The following CNOT7 variants were observed in gnomAD, a reference collection of about 807,000 sequenced individuals.
CNOT7 encodes BTG1-binding factor 1.
In CNOT7, 4 loss-of-function variants were observed where a neutral mutation model predicts 37.1. That is an observed-to-expected ratio of 0.11 (90% CI 0.05 to 0.25). CNOT7 has a LOEUF of 0.25. Ranked by LOEUF, CNOT7 falls within the 10% of genes least tolerant of loss-of-function variation. CNOT7 has a pLI of 1.00. For missense variants in CNOT7, 170 were observed against 336.2 expected, an observed-to-expected ratio of 0.51 and a Z score of 3.87; for synonymous variants, 128 against 115.6, an observed-to-expected ratio of 1.11 and a Z score of -0.69.
intron 2 of CNOT7, among the ~76,000 whole-genome samples, chr8:17,244,165 T>C (rs887652303): frequency 4.6e-5 from 7 of 152,122 alleles, no homozygotes; most frequent in African/African-American, 1.7e-4. Context: ...AATAATCCAG[T>C]GGATGTAGAA....
rs1808129076 is a variant in CNOT7 at position 17,226,026 on chromosome 8, A to C, written c.*4694T>G. 1.9e-5 allele frequency: 1 copy of C among 52,244 alleles called. No individual in the cohort carries two copies. The highest frequency in any genetic ancestry group is 4.5e-5 in the African/African-American group (1 of 22,042). 3.2% of individuals were successfully genotyped at this position (52,244 alleles called of 1,614,324 possible). A position where few individuals can be genotyped will look rare whatever the true frequency, so the allele number is the denominator to read the frequency against. On this transcript the variant is annotated 3_prime_UTR_variant, in exon 7 of 7. Transcript: ENST00000361272. ...GTTTCTTCTAGTAGAGAGGTGGACA[A>C]GCCTTTTTTTTTTTTTTTTTTTTTT...
At position 17,242,871 on chromosome 8, in the gene CNOT7, T is replaced by C. The variant is rs1810378897; in HGVS notation, c.311+121A>G. 7.0e-6 allele frequency: 4 copies of C among 574,488 alleles called. No individual in the cohort carries two copies. The East Asian group carries it at 1.4e-4, about 19-fold the overall frequency. The allele number at this position is 574,488 out of a possible 1,614,324, so 35.6% of individuals were successfully genotyped here. ...CACGCTTTTGAAATGTTACGTTTTA[T>C]ATATTTCCAGGATAACTACACCAAA... On this transcript the variant is annotated intron_variant, in intron 3 of 6. Coordinates refer to ENST00000361272, the MANE Select transcript of CNOT7 (RefSeq NM_013354.7).
chr8:17,230,800 A>G lies in CNOT7; in HGVS notation c.778T>C (p.Tyr260His), dbSNP rs1393440071. ...IDDAKYCGHLYGLGSGSSYVQ... is the reference protein window; with the variant it reads ...IDDAKYCGHLHGLGSGSSYVQ... ...TAGGATGAACCAGAACCAAGGCCAT[A>G]CAAATGACCACAATATTTGGCATCA... is the stretch of plus-strand genomic sequence containing the variant. The change falls in exon 7 of 7, where the codon TAT becomes CAT. Residue 260 changes from tyrosine to histidine, a missense_variant. By Grantham distance (83) the Tyr-to-His change is moderately conservative. Coordinates refer to ENST00000361272, the MANE Select transcript of CNOT7 (RefSeq NM_013354.7). 4 of 1,608,654 alleles carry G rather than the reference A, an allele frequency of 2.5e-6. No individual in the cohort carries two copies. The highest frequency in any genetic ancestry group is 1.3e-5 in the African/African-American group (1 of 74,806).
chr8:17,234,339 T>G (rs1276003683), intron 5 of CNOT7, among the ~76,000 whole-genome samples: 1 of 152,206 alleles, frequency 6.6e-6, no homozygotes, highest in African/African-American at 2.4e-5. Flanking sequence ...CCACCTTAGA[T>G]TCCACCTTGT....
At position 17,232,415 on chromosome 8, in the gene CNOT7, A is replaced by C; in HGVS notation, c.729+12T>G. The C allele has an allele frequency of 6.2e-7, 1 of 1,613,698 alleles. No individual in the cohort carries two copies. The highest frequency in any genetic ancestry group is 8.5e-7 in the Non-Finnish European group (1 of 1,179,874). ...ACAACCAACTGAGAAAAAGGCAGTGATGTCTTCATACTTCTCTCATTTTGA... is the reference window on the plus strand; with the variant it reads ...ACAACCAACTGAGAAAAAGGCAGTGCTGTCTTCATACTTCTCTCATTTTGA... On this transcript the variant is annotated intron_variant, in intron 6 of 6. Transcript: ENST00000361272.
At position 17,230,750 on chromosome 8, in the gene CNOT7, T is replaced by C; in HGVS notation, c.828A>G (p.Ala276=). 2.5e-6 allele frequency: 4 copies of C among 1,606,384 alleles called. No homozygotes were observed. The South Asian group carries it at 4.5e-5, about 18-fold the overall frequency. ...ACTGCTTGTTGGCTTCCTCTTCATA[T>C]GCATTCCCTGTGCCATTCTGTACAT... ...SSYVQNGTGN[A]YEEEANKQS The change falls in exon 7 of 7, where the codon GCA becomes GCG. Residue 276 remains alanine, a synonymous_variant. Transcript: ENST00000361272.
At chr8:17,231,619 C>A (rs966162731) in intron 6 of CNOT7, 13 of 985,372 alleles carry the variant, frequency 1.3e-5, no homozygotes, top group Non-Finnish European at 1.4e-5. Context: ...CTCAAATCCA[C>A]AGCGAATTTT....
Position 17,245,081 on chromosome 8 carries a change from C to G in CNOT7, c.72G>C (p.Met24Ile), listed in dbSNP as rs200983574. The G allele has an allele frequency of 6.2e-7, 1 of 1,613,718 alleles. No individual in the cohort carries two copies. The highest frequency in any genetic ancestry group is 1.3e-5 in the African/African-American group (1 of 75,014). The stretch of plus-strand genomic sequence containing the variant: ...TTCGGATAACTTGACGAATTTTCTT[C>G]ATCTCTTCATCCAAGTTGCAAGCCC... The part of the protein sequence containing the change: ...EVWACNLDEE[M>I]KKIRQVIRKY... Residue 24 changes from methionine (M) to isoleucine (I), a missense_variant, in exon 2 of 7, where the codon ATG (methionine) becomes ATC (isoleucine). By Grantham distance (10) the Met-to-Ile change is conservative. Transcript: ENST00000361272.
intron 4 of CNOT7, among the ~76,000 whole-genome samples, chr8:17,235,082 A>G (rs1048553655): frequency 6.6e-6 from 1 of 152,020 alleles, no homozygotes; most frequent in Non-Finnish European, 1.5e-5. Flanking sequence ...TTATTCAGAG[A>G]TATCAACACA....
chr8:17,243,836 G>T (rs986255827), intron 2 of CNOT7, among the ~76,000 whole-genome samples: 1 of 152,072 alleles, frequency 6.6e-6, no homozygotes. Context: ...CTAATCATGG[G>T]TAAGTACACC....
chr8:17,237,733 C>CA (rs1809572521), intron 3 of CNOT7: 1 of 198,426 alleles, frequency 5.0e-6, no homozygotes, highest in African/African-American at 2.3e-5. Flanking sequence ...CAGAGACTCT[C>CA]AGTCTCAGCA....
intron 2 of CNOT7, chr8:17,244,426 T>C (rs1282523278): frequency 6.6e-6 from 1 of 152,212 alleles, no homozygotes; most frequent in Non-Finnish European, 1.5e-5. Flanking sequence ...TACTACCAGC[T>C]AGGCTTTGGT....
chr8:17,236,215 C>T (rs990933816), intron 4 of CNOT7, among the ~76,000 whole-genome samples: 9 of 152,184 alleles, frequency 5.9e-5, no homozygotes, highest in Non-Finnish European at 1.3e-4. Context: ...TCACTATAAA[C>T]ATCCCACAGA....
At chr8:17,239,567 C>T (rs556548067) in intron 3 of CNOT7, among the ~76,000 whole-genome samples, 19 of 152,312 alleles carry the variant, frequency 1.2e-4, no homozygotes, top group African/African-American at 4.1e-4. Context: ...TCTCGGCTCA[C>T]TGCAAGCTCC....
intron 4 of CNOT7, 146 bp from the exon 5 acceptor site, chr8:17,235,006 A>T: frequency 1.6e-6 from 1 of 641,278 alleles, no homozygotes; most frequent in Non-Finnish European, 2.6e-6. Flanking sequence ...GAACAGAGAA[A>T]ACAAACATAT....
At chr8:17,235,575 C>G (rs1219843259) in intron 4 of CNOT7, among the ~76,000 whole-genome samples, 1 of 152,108 alleles carries the variant, frequency 6.6e-6, no homozygotes, top group African/African-American at 2.4e-5. Context: ...ACTCTTCTCC[C>G]TTTGTCCGGC....
Position 17,227,559 on chromosome 8 carries a change from C to T in CNOT7, c.*3161G>A, listed in dbSNP as rs768655066. 1 of 151,874 alleles carries T rather than the reference C, an allele frequency of 6.6e-6. No homozygotes were observed. Among genetic ancestry groups the T allele is most frequent in the Non-Finnish European group, 1.5e-5 (1 of 67,822 alleles). 9.4% of individuals were successfully genotyped at this position (151,874 alleles called of 1,614,324 possible). On this transcript the variant is annotated 3_prime_UTR_variant, in exon 7 of 7. Transcript: ENST00000361272. ...TTAGTAAATGGTTTTCTTTGCTTGGCTAACAAATAGGCTACTTGTAAACAT... is the reference window on the plus strand; with the variant it reads ...TTAGTAAATGGTTTTCTTTGCTTGGTTAACAAATAGGCTACTTGTAAACAT...
intron 1 of CNOT7, among the ~76,000 whole-genome samples, chr8:17,245,512 CTAAT>C (rs1189869410): frequency 5.3e-5 from 8 of 152,188 alleles, no homozygotes; most frequent in African/African-American, 1.4e-4. Context: ...TAACTTTCCA[CTAAT>C]TATTTATCTG....
Position 17,230,646 on chromosome 8 carries a change from G to T in CNOT7, c.*74C>A. Reference sequence around the variant, plus strand: ...GGAAAGGTACTGTCTATTGTTCGAGGGATTCAACCAGAGATAAAACCTATA... The same window carrying T: ...GGAAAGGTACTGTCTATTGTTCGAGTGATTCAACCAGAGATAAAACCTATA... On this transcript the variant is annotated 3_prime_UTR_variant, in exon 7 of 7. Coordinates refer to ENST00000361272, the MANE Select transcript of CNOT7 (RefSeq NM_013354.7). 7.5e-7 allele frequency: 1 copy of T among 1,326,798 alleles called. No individual in the cohort carries two copies. The highest frequency in any genetic ancestry group is 1.0e-6 in the Non-Finnish European group (1 of 982,548). The allele number at this position is 1,326,798 out of a possible 1,614,324, so 82.2% of individuals were successfully genotyped here.
Sources: allele counts gnomAD v4.1 joint callset (sites outside exome capture counted in the v4.1 genomes callset), GRCh38; gene constraint gnomAD v4.1.1; transcripts MANE v1.5; gene names NCBI Gene and HGNC (gene_info 2026-07-23, HGNC 2026-07-21).